EEIG2: variants seen among roughly 807,000 people sequenced by gnomAD.
The protein encoded by EEIG2 is family with sequence similarity 102 member B.
At chr1:108,605,198 T>A in the EEIG2 span, among the ~76,000 whole-genome samples, 1 of 152,150 alleles carries the variant, frequency 6.6e-6, no homozygotes, top group African/African-American at 2.4e-5. Context: ...AAGAAAAGAA[T>A]TAGCTAGCAG....
the EEIG2 span, chr1:108,560,526 G>T: frequency 6.2e-7 from 1 of 1,612,320 alleles, no homozygotes; most frequent in East Asian, 2.2e-5. Flanking sequence ...TGCAAGATGC[G>T]GCTGCTGGAC....
chr1:108,629,674 G>A, the EEIG2 span: 1 of 1,585,578 alleles, frequency 6.3e-7, no homozygotes, highest in Non-Finnish European at 8.6e-7. Flanking sequence ...AGTACAAATA[G>A]TGTCTTATTA....
At chr1:108,631,604 A>AC in the EEIG2 span, among the ~76,000 whole-genome samples, 1 of 152,210 alleles carries the variant, frequency 6.6e-6, no homozygotes, top group Non-Finnish European at 1.5e-5. Context: ...ACTCCTGGTA[A>AC]CAAATAGAAT....
At chr1:108,577,923 A>G in the EEIG2 span, among the ~76,000 whole-genome samples, 10 of 151,518 alleles carry the variant, frequency 6.6e-5, no homozygotes, top group African/African-American at 2.4e-4. Flanking sequence ...GATTCTTCCT[A>G]CCCATGAGCA....
chr1:108,564,297 C>G, the EEIG2 span, among the ~76,000 whole-genome samples: 6 of 152,050 alleles, frequency 3.9e-5, no homozygotes, highest in Non-Finnish European at 1.5e-5. Context: ...AATTAGGAGG[C>G]TATTAAAATA....
chr1:108,620,444 A>G, the EEIG2 span, among the ~76,000 whole-genome samples: 1 of 152,174 alleles, frequency 6.6e-6, no homozygotes, highest in Non-Finnish European at 1.5e-5. Flanking sequence ...TCAAACACCC[A>G]CCAACTCTTG....
At chr1:108,575,809 A>G in the EEIG2 span, among the ~76,000 whole-genome samples, 94 of 152,320 alleles carry the variant, frequency 6.2e-4, no homozygotes, top group South Asian at 1.5e-3. Context: ...GGGCTGAGGG[A>G]TTGGAGAGAA....
chr1:108,568,547 T>C, the EEIG2 span, among the ~76,000 whole-genome samples: 1 of 152,230 alleles, frequency 6.6e-6, no homozygotes, highest in Admixed American at 6.5e-5. Context: ...ACAAAACCCC[T>C]TTAATAGAAG....
chr1:108,592,263 C>T, the EEIG2 span, among the ~76,000 whole-genome samples: 2 of 152,196 alleles, frequency 1.3e-5, no homozygotes, highest in Admixed American at 6.5e-5. Context: ...TCATTTGTGG[C>T]CCATGCCTGA....
chr1:108,584,638 T>A, the EEIG2 span, among the ~76,000 whole-genome samples: 1 of 152,218 alleles, frequency 6.6e-6, no homozygotes, highest in Non-Finnish European at 1.5e-5. Flanking sequence ...AATGGCAGTT[T>A]CTGAGAATTC....
chr1:108,627,240 C>T, the EEIG2 span: 1 of 152,198 alleles, frequency 6.6e-6, no homozygotes, highest in Non-Finnish European at 1.5e-5. Flanking sequence ...TTTTGGACCA[C>T]TTATACTCTG....
chr1:108,613,746 A>T, the EEIG2 span, among the ~76,000 whole-genome samples: 5 of 151,670 alleles, frequency 3.3e-5, no homozygotes, highest in African/African-American at 1.2e-4. Context: ...GTTTTTCTCT[A>T]TATCTCTTCT....
chr1:108,593,424 C>T, the EEIG2 span, among the ~76,000 whole-genome samples: 2 of 152,216 alleles, frequency 1.3e-5, no homozygotes, highest in Non-Finnish European at 2.9e-5. Flanking sequence ...TACCCAATAA[C>T]CTCCATTTAT....
chr1:108,632,657 A>G, the EEIG2 span, among the ~76,000 whole-genome samples: 1 of 152,174 alleles, frequency 6.6e-6, no homozygotes, highest in African/African-American at 2.4e-5. Context: ...TAACTTCAAT[A>G]GAACTTTAGT....
the EEIG2 span, among the ~76,000 whole-genome samples, chr1:108,579,760 T>TGAGAGAGAGAGA: frequency 3.0e-5 from 1 of 33,546 alleles, no homozygotes; most frequent in Non-Finnish European, 7.8e-5. Context: ...TGTGTGTGTG[T>TGAGAGAGAGAGA]GTGTGTGTGT....
At chr1:108,614,893 A>G in the EEIG2 span, among the ~76,000 whole-genome samples, 2 of 152,250 alleles carry the variant, frequency 1.3e-5, no homozygotes, top group South Asian at 2.1e-4. Flanking sequence ...TGCCATCTCC[A>G]TCTCCTTTCT....
the EEIG2 span, among the ~76,000 whole-genome samples, chr1:108,575,799 G>A: frequency 1.3e-5 from 2 of 152,346 alleles, no homozygotes; most frequent in South Asian, 4.1e-4. Flanking sequence ...TGGTTGGCTA[G>A]GGCTGAGGGA....
chr1:108,607,651 C>G, the EEIG2 span, among the ~76,000 whole-genome samples: 1 of 152,160 alleles, frequency 6.6e-6, no homozygotes, highest in Non-Finnish European at 1.5e-5. Flanking sequence ...TGGTGAGACC[C>G]TGTCTCAGTA....
the EEIG2 span, chr1:108,600,524 C>T: frequency 6.2e-7 from 1 of 1,602,238 alleles, no homozygotes; most frequent in East Asian, 2.2e-5. Context: ...AACATGTCAT[C>T]AATAATAGTT....
Sources: gnomAD v4.1 joint callset for allele counts (sites outside exome capture counted in the v4.1 genomes callset) on GRCh38, gnomAD v4.1.1 for gene constraint, MANE v1.5 for transcripts, NCBI Gene and HGNC (gene_info 2026-07-23, HGNC 2026-07-21) for gene names.